Variants in AFAP1 observed in about 807,000 individuals in gnomAD.
AFAP1 encodes actin filament-associated protein 1.
Under a neutral mutation model 93.9 loss-of-function variants are expected in AFAP1, and 75 were observed. The ratio of observed to expected loss-of-function variants is 0.80; its 90% CI spans 0.66 to 0.97. AFAP1 has a LOEUF of 0.97. Ranked by LOEUF, AFAP1 falls within the 50% of genes least tolerant of loss-of-function variation. AFAP1 has a pLI of 0.00. For synonymous variants in AFAP1, 517 were observed against 430.7 expected (o/e 1.20, Z -2.48); for missense variants, 1,201 against 1,050.8 (o/e 1.14, Z -1.98).
chr4:7,832,814 G>A (rs1300096664), intron 6 of AFAP1, among the ~76,000 whole-genome samples: 32 of 152,134 alleles, frequency 2.1e-4, no homozygotes, highest in Non-Finnish European at 2.9e-5. Context: ...TATAAAAATA[G>A]GCAAATAGGC....
intron 1 of AFAP1, among the ~76,000 whole-genome samples, chr4:7,931,541 C>T (rs994632670): frequency 6.7e-6 from 1 of 148,290 alleles, no homozygotes; most frequent in African/African-American, 2.5e-5. Flanking sequence ...ACCACCACGC[C>T]CAGCATTTTT....
At chr4:7,833,751 G>A (rs1711914982) in intron 6 of AFAP1, among the ~76,000 whole-genome samples, 1 of 151,920 alleles carries the variant, frequency 6.6e-6, no homozygotes, top group Admixed American at 6.6e-5. Flanking sequence ...ACCATGCCTG[G>A]CTAGTTTTTT....
chr4:7,935,038 G>A (rs992078010), intron 1 of AFAP1, among the ~76,000 whole-genome samples: 16 of 152,070 alleles, frequency 1.1e-4, no homozygotes, highest in African/African-American at 3.9e-4. Context: ...GCCAATTAAA[G>A]ATAGAAAAAA....
At chr4:7,799,788 A>C (rs889040348) in intron 10 of AFAP1, among the ~76,000 whole-genome samples, 7 of 152,166 alleles carry the variant, frequency 4.6e-5, no homozygotes, top group Non-Finnish European at 7.3e-5. Context: ...TTCAATAATG[A>C]AAGTTTTGAG....
At chr4:7,841,413 G>A (rs1712999668) in intron 5 of AFAP1, among the ~76,000 whole-genome samples, 1 of 152,214 alleles carries the variant, frequency 6.6e-6, no homozygotes, top group Non-Finnish European at 1.5e-5. Flanking sequence ...CCAAGGAAAT[G>A]CAACCTTCAG....
At chr4:7,909,039 C>T (rs1476466810) in intron 1 of AFAP1, among the ~76,000 whole-genome samples, 1 of 152,158 alleles carries the variant, frequency 6.6e-6, no homozygotes, top group Non-Finnish European at 1.5e-5. Context: ...TAAATTAACC[C>T]AATCACTTAA....
rs1713922949 is a variant in AFAP1, at chr4:7,762,293, G to GTTTTT, written c.*1471_*1472insAAAAA. On this transcript the variant is annotated 3_prime_UTR_variant, in exon 18 of 18. Coordinates refer to ENST00000420658, the MANE Select transcript of AFAP1 (RefSeq NM_001134647.2). ...GTTTTCCCGCCATCTCTTCCTCTGTGTGAAAAAGGACATTCTGGACAGTGG... is the reference window on the plus strand; with the variant it reads ...GTTTTCCCGCCATCTCTTCCTCTGTGTTTTTTGAAAAAGGACATTCTGGACAGTGG... The GTTTTT allele has an allele frequency of 1.3e-5, 2 of 152,218 alleles. No individual in the cohort carries two copies. Among genetic ancestry groups the GTTTTT allele is most frequent in the South Asian group, 2.1e-4 (1 of 4,828 alleles). 9.4% of individuals were successfully genotyped at this position (152,218 alleles called of 1,614,324 possible).
intron 6 of AFAP1, among the ~76,000 whole-genome samples, chr4:7,826,761 C>T (rs1721457802): frequency 6.6e-6 from 1 of 152,170 alleles, no homozygotes; most frequent in Non-Finnish European, 1.5e-5. Context: ...TCCCCACCTG[C>T]AGGAGAGCCA....
chr4:7,759,193 T>TTATC lies in AFAP1; in HGVS notation c.*4568_*4571dup, dbSNP rs1235928738. 6.5e-6 allele frequency: 1 copy of TTATC among 152,680 alleles called. No homozygotes were observed. Among genetic ancestry groups the TTATC allele is most frequent in the African/African-American group, 2.4e-5 (1 of 41,466 alleles). 9.5% of individuals were successfully genotyped at this position (152,680 alleles called of 1,614,324 possible). ...CTTTCTTGTTAGAAAATCAAAAAGATTATCTCATTAAAAACACCTTTGGTC... is the reference window on the plus strand; with the variant it reads ...CTTTCTTGTTAGAAAATCAAAAAGATTATCTATCTCATTAAAAACACCTTTGGTC... On this transcript the variant is annotated 3_prime_UTR_variant, in exon 18 of 18. Coordinates refer to ENST00000420658, the MANE Select transcript of AFAP1 (RefSeq NM_001134647.2).
At chr4:7,884,999 T>C (rs994630890) in intron 1 of AFAP1, among the ~76,000 whole-genome samples, 1 of 152,180 alleles carries the variant, frequency 6.6e-6, no homozygotes, top group Non-Finnish European at 1.5e-5. Flanking sequence ...GCTGGGTCAA[T>C]GGTTACACCT....
intron 6 of AFAP1, among the ~76,000 whole-genome samples, chr4:7,822,040 T>C (rs556776533): frequency 3.9e-5 from 6 of 152,232 alleles, no homozygotes; most frequent in Non-Finnish European, 7.3e-5. Flanking sequence ...CTCGCTTTCA[T>C]GCTAATTGCT....
At chr4:7,769,849 C>T (rs1715175481) in intron 16 of AFAP1, among the ~76,000 whole-genome samples, 1 of 152,244 alleles carries the variant, frequency 6.6e-6, no homozygotes, top group African/African-American at 2.4e-5. Context: ...TGGCCACAAT[C>T]CCCAGGCAGC....
intron 14 of AFAP1, chr4:7,775,645 G>C (rs1403320503): frequency 6.6e-6 from 1 of 152,212 alleles, no homozygotes; most frequent in East Asian, 1.9e-4. Context: ...ACGGATACAT[G>C]AAGAGGCAAC....
In AFAP1 at chr4:7,787,242, T is replaced by A. The variant is rs527540578; in HGVS notation, c.1413-931A>T. ...TGTGTATGCGGCGGTGCCGGGAGCG[T>A]GGTGCGCCCAGCGAGGGCACGGGAG... On this transcript the variant is annotated intron_variant, in intron 11 of 17. Coordinates refer to ENST00000420658, the MANE Select transcript of AFAP1 (RefSeq NM_001134647.2). 9.2e-5 allele frequency among the ~76,000 whole-genome samples: 14 copies of A among 152,336 alleles called. No individual in the cohort carries two copies. The South Asian group carries it at 2.3e-3, about 25-fold the overall frequency.
intron 1 of AFAP1, among the ~76,000 whole-genome samples, chr4:7,895,693 A>G (rs1397559186): frequency 6.6e-6 from 1 of 152,182 alleles, no homozygotes; most frequent in African/African-American, 2.4e-5. Context: ...CAGAAACCTA[A>G]TGAATGACAG....
At chr4:7,837,874 C>A (rs956558970) in intron 6 of AFAP1, among the ~76,000 whole-genome samples, 8 of 152,112 alleles carry the variant, frequency 5.3e-5, no homozygotes, top group African/African-American at 1.2e-4. Flanking sequence ...CAAAAACTAG[C>A]CAGGAATGGT....
intron 9 of AFAP1, among the ~76,000 whole-genome samples, chr4:7,804,228 G>A (rs1033028722): frequency 5.3e-5 from 8 of 152,180 alleles, no homozygotes; most frequent in African/African-American, 2.4e-5. Context: ...GCCAGGACGG[G>A]GCCAACTTGG....
At chr4:7,803,170 T>C (rs1719210120) in intron 9 of AFAP1, among the ~76,000 whole-genome samples, 1 of 152,180 alleles carries the variant, frequency 6.6e-6, no homozygotes, top group Non-Finnish European at 1.5e-5. Context: ...TGTAATGGTG[T>C]ATCTGAAAGG....
chr4:7,898,128 C>A (rs1335409002), intron 1 of AFAP1, among the ~76,000 whole-genome samples: 1 of 152,144 alleles, frequency 6.6e-6, no homozygotes, highest in African/African-American at 2.4e-5. Context: ...GCCTCCCAAT[C>A]ACCGGGGACA....
Sources: allele counts gnomAD v4.1 joint callset (sites outside exome capture counted in the v4.1 genomes callset), GRCh38; gene constraint gnomAD v4.1.1; transcripts MANE v1.5; gene names NCBI Gene and HGNC (gene_info 2026-07-23, HGNC 2026-07-21).